Variants in KCNIP3 observed in about 807,000 individuals in gnomAD.
KCNIP3 encodes the protein calsenilin.
A neutral mutation model predicts 35.0 loss-of-function variants in KCNIP3; 28 were observed. The ratio of observed to expected loss-of-function variants is 0.80; its 90% CI spans 0.59 to 1.10. KCNIP3 has a LOEUF of 1.10. Ranked by LOEUF, KCNIP3 falls within the 50% of genes least tolerant of loss-of-function variation. The pLI is 0.00. For missense variants in KCNIP3, 295 were observed against 338.4 expected (o/e 0.87, Z 1.01); for synonymous variants, 134 against 133.8 (o/e 1.00, Z -0.01).
chr2:95,364,043 A>G (rs1275854529), intron 2 of KCNIP3, among the ~76,000 whole-genome samples: 1 of 152,212 alleles, frequency 6.6e-6, no homozygotes, highest in East Asian at 1.9e-4. Flanking sequence ...CATTGGCAGG[A>G]CATTGATTAG....
At chr2:95,317,825 C>T (rs958979562) in intron 2 of KCNIP3, among the ~76,000 whole-genome samples, 7 of 152,260 alleles carry the variant, frequency 4.6e-5, no homozygotes, top group South Asian at 4.1e-4. Flanking sequence ...AGGAGTCGGG[C>T]GGATTAAGCC....
chr2:95,370,175 AT>A (rs1373864396), intron 2 of KCNIP3, among the ~76,000 whole-genome samples: 1 of 151,640 alleles, frequency 6.6e-6, no homozygotes, highest in African/African-American at 2.4e-5. Context: ...ATGTCTTTTT[AT>A]TTTTTATTGT....
intron 2 of KCNIP3, among the ~76,000 whole-genome samples, chr2:95,351,626 A>C (rs1392995098): frequency 6.6e-6 from 1 of 152,266 alleles, no homozygotes; most frequent in Non-Finnish European, 1.5e-5. Context: ...CTGCTGTGAC[A>C]GATTCCCACA....
In KCNIP3 at chr2:95,350,717, G is replaced by A. The variant is rs1347498109; in HGVS notation, c.182-23579G>A. Among the ~76,000 whole-genome samples, 3 of 152,192 alleles carry A rather than the reference G, an allele frequency of 2.0e-5. No individual in the cohort carries two copies. The East Asian group carries it at 5.8e-4, about 29-fold the overall frequency. On this transcript the variant is annotated intron_variant, in intron 2 of 8. Coordinates refer to ENST00000295225, the MANE Select transcript of KCNIP3 (RefSeq NM_013434.5). ...GGAGTGGTGGCAGTGGAGGTGGGGGGCCAGTGGGCTCTTTACCCAGCTGTA... is the reference window on the plus strand; with the variant it reads ...GGAGTGGTGGCAGTGGAGGTGGGGGACCAGTGGGCTCTTTACCCAGCTGTA...
chr2:95,324,435 G>A (rs549158881), intron 2 of KCNIP3, among the ~76,000 whole-genome samples: 43 of 151,518 alleles, frequency 2.8e-4, no homozygotes, highest in East Asian at 2.4e-3. Context: ...AATGGCGTGG[G>A]CCCAGGAGGC....
At chr2:95,369,929 G>C (rs1680004151) in intron 2 of KCNIP3, among the ~76,000 whole-genome samples, 1 of 152,044 alleles carries the variant, frequency 6.6e-6, no homozygotes, top group African/African-American at 2.4e-5. Context: ...TCCATCCAGT[G>C]AATTTTTAAT....
At chr2:95,319,394 G>A (rs1231256137) in intron 2 of KCNIP3, among the ~76,000 whole-genome samples, 1 of 152,232 alleles carries the variant, frequency 6.6e-6, no homozygotes, top group African/African-American at 2.4e-5. Context: ...AGGCTCCCAA[G>A]CCTTCCCTTC....
chr2:95,321,770 C>A (rs1241275669), intron 2 of KCNIP3, among the ~76,000 whole-genome samples: 1 of 152,174 alleles, frequency 6.6e-6, no homozygotes, highest in East Asian at 1.9e-4. Flanking sequence ...CCACTGCCTG[C>A]AGGGTTATCT....
At chr2:95,306,246 C>G (rs567041355) in intron 1 of KCNIP3, among the ~76,000 whole-genome samples, 3 of 152,342 alleles carry the variant, frequency 2.0e-5, no homozygotes, top group South Asian at 4.1e-4. Context: ...TGGCTAATGA[C>G]GGCGAACATC....
intron 2 of KCNIP3, among the ~76,000 whole-genome samples, chr2:95,349,614 G>T (rs1209263879): frequency 6.6e-6 from 1 of 152,212 alleles, no homozygotes. Flanking sequence ...GGCTGAGCCC[G>T]GGGTGGTGGC....
chr2:95,360,345 A>G (rs781744762), intron 2 of KCNIP3, among the ~76,000 whole-genome samples: 1 of 152,146 alleles, frequency 6.6e-6, no homozygotes, highest in Non-Finnish European at 1.5e-5. Flanking sequence ...ATCACCATCC[A>G]TATTTCTGCC....
intron 2 of KCNIP3, among the ~76,000 whole-genome samples, chr2:95,344,906 G>C (rs956737556): frequency 6.6e-6 from 1 of 152,216 alleles, no homozygotes; most frequent in African/African-American, 2.4e-5. Context: ...GGCTGAGCCG[G>C]CACTACCTGG....
At chr2:95,337,620 C>G (rs1292822231) in intron 2 of KCNIP3, among the ~76,000 whole-genome samples, 1 of 152,190 alleles carries the variant, frequency 6.6e-6, no homozygotes, top group East Asian at 1.9e-4. Context: ...ATTGTTGTCA[C>G]CTTCCCACTC....
In KCNIP3 at chr2:95,384,039, A is replaced by C. The variant is rs765121207; in HGVS notation, c.761A>C (p.Asn254Thr). 3 of 1,613,942 alleles carry C rather than the reference A, an allele frequency of 1.9e-6. No individual in the cohort carries two copies. Among genetic ancestry groups the C allele is most frequent in the Non-Finnish European group, 2.5e-6 (3 of 1,179,956 alleles). Residue 254 changes from asparagine to threonine, a missense_variant, in exon 9 of 9, where the codon AAT (asparagine) becomes ACT (threonine). Transcript: ENST00000295225. ...NIMSSMQLFE[N>T]VI ...ATGAGCTCCATGCAGCTGTTTGAGA[A>C]TGTCATCTAGGACACGTCCAAAGGA...
chr2:95,324,210 G>GT lies in KCNIP3; in HGVS notation c.181+13695dup, dbSNP rs565227798. Among the ~76,000 whole-genome samples, 1,040 of 152,340 alleles carry GT rather than the reference G, an allele frequency of 6.8e-3. 9 individuals are homozygous for GT. The highest frequency in any genetic ancestry group is 0.024 in the African/African-American group (999 of 41,558). On this transcript the variant is annotated intron_variant, in intron 2 of 8. Transcript: ENST00000295225. ...TTCTTGTTTGAAATAATGCTCAGAA[G>GT]TTTTTCTTAATAACGTGAGGGCCGG...
intron 2 of KCNIP3, among the ~76,000 whole-genome samples, chr2:95,366,121 C>CA (rs1024498091): frequency 3.9e-5 from 6 of 152,176 alleles, no homozygotes; most frequent in African/African-American, 1.4e-4. Context: ...GGTAGGACTA[C>CA]AGGTGTGCAC....
At chr2:95,361,169 G>A (rs868152919) in intron 2 of KCNIP3, among the ~76,000 whole-genome samples, 1 of 152,132 alleles carries the variant, frequency 6.6e-6, no homozygotes, top group Non-Finnish European at 1.5e-5. Flanking sequence ...CTAATGTTAC[G>A]TTGAAAAGCC....
chr2:95,331,289 G>A (rs1423095745), intron 2 of KCNIP3, among the ~76,000 whole-genome samples: 4 of 152,144 alleles, frequency 2.6e-5, no homozygotes, highest in East Asian at 3.9e-4. Flanking sequence ...GAGGAGTCAG[G>A]CCAAGGCTTT....
In KCNIP3 at chr2:95,327,194, C is replaced by T. The variant is rs527828998; in HGVS notation, c.181+16674C>T. Among the ~76,000 whole-genome samples, 10 of 152,286 alleles carry T rather than the reference C, an allele frequency of 6.6e-5. No individual in the cohort carries two copies. The South Asian group carries it at 1.0e-3, about 16-fold the overall frequency. On this transcript the variant is annotated intron_variant, in intron 2 of 8. Coordinates refer to ENST00000295225, the MANE Select transcript of KCNIP3 (RefSeq NM_013434.5). ...AACTGGCCGACTCCCAAGGTCTCTG[C>T]GAGTCCTGATGATGGTGCCTTACAC... is the stretch of plus-strand genomic sequence containing the variant.
Sources: gnomAD v4.1 joint callset for allele counts (sites outside exome capture counted in the v4.1 genomes callset) on GRCh38, gnomAD v4.1.1 for gene constraint, MANE v1.5 for transcripts, NCBI Gene and HGNC (gene_info 2026-07-23, HGNC 2026-07-21) for gene names.